Variants in MPRIP observed in about 807,000 individuals in gnomAD.
The protein encoded by MPRIP is myosin phosphatase Rho interacting protein, also known as myosin phosphatase Rho-interacting protein.
Under a neutral mutation model 234.9 loss-of-function variants are expected in MPRIP, and 59 were observed. That is an observed-to-expected ratio of 0.25 (90% CI 0.20 to 0.31). MPRIP has a LOEUF of 0.31. Ranked by LOEUF, MPRIP falls within the 10% of genes least tolerant of loss-of-function variation. MPRIP has a pLI of 1.00. For missense variants in MPRIP, 2,436 were observed against 3,071.0 expected (o/e 0.79, Z 4.89); for synonymous variants, 1,144 against 1,263.9 (o/e 0.91, Z 2.01).
At chr17:17,096,288 GGT>G (rs59748753) in intron 3 of MPRIP, among the ~76,000 whole-genome samples, 4,729 of 136,348 alleles carry the variant, frequency 0.035, 107 homozygotes, top group African/African-American at 0.062. Flanking sequence ...GTGTGTGCAG[GGT>G]GTGTGTGTGT....
chr17:17,139,253 G>A (rs745346624), intron 7 of MPRIP, among the ~76,000 whole-genome samples: 2 of 152,216 alleles, frequency 1.3e-5, no homozygotes, highest in Non-Finnish European at 2.9e-5. Flanking sequence ...GCCCAAGCAC[G>A]CCTTCAATCA....
chr17:17,166,973 G>A lies in MPRIP; in HGVS notation c.5382G>A (p.Glu1794=). 7.7e-7 allele frequency: 1 copy of A among 1,304,286 alleles called. No individual in the cohort carries two copies. The highest frequency in any genetic ancestry group is 1.0e-6 in the Non-Finnish European group (1 of 988,964). The allele number at this position is 1,304,286 out of a possible 1,614,324, so 80.8% of individuals were successfully genotyped here. The change falls in exon 16 of 24, where the codon GAG becomes GAA. Residue 1794 remains glutamate, a synonymous_variant. Transcript: ENST00000651222. This position sits in a 1 kb window ranked among gnomAD's most constrained non-coding sequence, Gnocchi z 4.4. ...TGAAGGAGAAGGCCAGCCTCTTAGA[G>A]GAGATAGCGGCTGCCTTACCATCTC... ...QQLKEKASLL[E]EIAAALPSLP...
chr17:17,155,816 A>G (rs1255171682), intron 13 of MPRIP, among the ~76,000 whole-genome samples: 1 of 152,204 alleles, frequency 6.6e-6, no homozygotes, highest in African/African-American at 2.4e-5. Context: ...AGCAGGAGGC[A>G]CCCAGAGCTG....
At chr17:17,091,548 G>A (rs1037407428) in intron 3 of MPRIP, among the ~76,000 whole-genome samples, 2 of 152,224 alleles carry the variant, frequency 1.3e-5, no homozygotes, top group African/African-American at 4.8e-5. Flanking sequence ...GGGTGACTGG[G>A]GGCTGAATGG....
chr17:17,072,810 C>G (rs2089229396), intron 1 of MPRIP, among the ~76,000 whole-genome samples: 1 of 152,094 alleles, frequency 6.6e-6, no homozygotes. Context: ...CCCCATGGCG[C>G]CATCATTCCT....
chr17:17,075,576 A>G (rs2089308488), intron 1 of MPRIP, 134 bp from the exon 2 acceptor site: 12 of 743,710 alleles, frequency 1.6e-5, no homozygotes, highest in South Asian at 1.5e-4. Flanking sequence ...GACGCACCGC[A>G]GTGGAAATAG....
intron 1 of MPRIP, among the ~76,000 whole-genome samples, chr17:17,052,294 C>A (rs2088565706): frequency 6.6e-6 from 1 of 152,136 alleles, no homozygotes; most frequent in African/African-American, 2.4e-5. Flanking sequence ...TTTGTTTGGC[C>A]CCGGGGCAGA....
intron 14 of MPRIP, among the ~76,000 whole-genome samples, chr17:17,159,500 T>C (rs2045816138): frequency 6.6e-6 from 1 of 152,154 alleles, no homozygotes; most frequent in South Asian, 2.1e-4. Context: ...CATGAGGATA[T>C]GAAGCAGAAG....
At chr17:17,157,538 T>C (rs1451146645) in intron 13 of MPRIP, among the ~76,000 whole-genome samples, 1 of 152,170 alleles carries the variant, frequency 6.6e-6, no homozygotes, top group African/African-American at 2.4e-5. Context: ...ATTGGGCTTT[T>C]AAAACATAGA....
chr17:17,131,373 C>G (rs2090593337), intron 4 of MPRIP, among the ~76,000 whole-genome samples: 1 of 152,232 alleles, frequency 6.6e-6, no homozygotes, highest in South Asian at 2.1e-4. Context: ...ACATCCTATG[C>G]TCTGAGGCCA....
Position 17,166,688 on chromosome 17 carries a change from G to T in MPRIP, c.5097G>T (p.Thr1699=). 3 of 1,304,096 alleles carry T rather than the reference G, an allele frequency of 2.3e-6. No individual in the cohort carries two copies. Among genetic ancestry groups the T allele is most frequent in the Non-Finnish European group, 3.0e-6 (3 of 988,972 alleles). The allele number at this position is 1,304,096 out of a possible 1,614,324, so 80.8% of individuals were successfully genotyped here. ...AGGAGACCCTGCGGGGCACCCAGAC[G>T]GCCCTGCGGCAGCACAAATGCCTGC... ...SIQETLRGTQ[T]ALRQHKCLLR... is the part of the protein sequence containing the mutation. The change falls in exon 16 of 24, where the codon ACG becomes ACT. Residue 1699 remains threonine (T), a synonymous_variant. Coordinates refer to ENST00000651222, the MANE Select transcript of MPRIP (RefSeq NM_001364716.4). This position sits in a 1 kb window ranked among gnomAD's most constrained non-coding sequence, Gnocchi z 4.4.
intron 4 of MPRIP, among the ~76,000 whole-genome samples, chr17:17,128,587 C>A (rs2090537767): frequency 6.6e-6 from 1 of 152,284 alleles, no homozygotes; most frequent in South Asian, 2.1e-4. Context: ...CTGGGCCCTA[C>A]GTGTGTGGTG....
At chr17:17,153,046 A>G (rs557965925) in intron 12 of MPRIP, among the ~76,000 whole-genome samples, 1 of 152,286 alleles carries the variant, frequency 6.6e-6, no homozygotes, top group Admixed American at 6.5e-5. Context: ...GCTGAGGCCA[A>G]ACTCCAGCAA....
intron 14 of MPRIP, among the ~76,000 whole-genome samples, chr17:17,160,397 G>T (rs1415164334): frequency 6.6e-6 from 1 of 152,152 alleles, no homozygotes; most frequent in African/African-American, 2.4e-5. Context: ...GGGTCTCCCC[G>T]CCTCTCACAG....
At chr17:17,058,302 G>T (rs188785132) in intron 1 of MPRIP, among the ~76,000 whole-genome samples, 1 of 152,238 alleles carries the variant, frequency 6.6e-6, no homozygotes, top group African/African-American at 2.4e-5. Flanking sequence ...GGGGAGCAGG[G>T]ACCCAGGGAG....
chr17:17,166,866 G>C lies in MPRIP; in HGVS notation c.5275G>C (p.Asp1759His). 7.7e-7 allele frequency: 1 copy of C among 1,304,212 alleles called. No individual in the cohort carries two copies. Among genetic ancestry groups the C allele is most frequent in the Non-Finnish European group, 1.0e-6 (1 of 988,960 alleles). 80.8% of individuals were successfully genotyped at this position (1,304,212 alleles called of 1,614,324 possible). A position where few individuals can be genotyped will look rare whatever the true frequency, so the allele number is the denominator to read the frequency against. ...PLGEVLGRDSDSSQEPFDVSD... is the reference protein window; with the variant it reads ...PLGEVLGRDSHSSQEPFDVSD... The stretch of plus-strand genomic sequence containing the variant: ...AGGAGAAGTCCTGGGCCGAGACTCA[G>C]ACAGCTCTCAGGAGCCCTTCGATGT... The change falls in exon 16 of 24, where the codon GAC (aspartate) becomes CAC (histidine). Residue 1759 changes from aspartate (D) to histidine (H), a missense_variant. Asp to His is a moderately conservative substitution (Grantham distance 81). Transcript: ENST00000651222. This position sits in a 1 kb window ranked among gnomAD's most constrained non-coding sequence, Gnocchi z 4.4.
chr17:17,069,254 T>C (rs991496432), intron 1 of MPRIP, among the ~76,000 whole-genome samples: 1 of 152,194 alleles, frequency 6.6e-6, no homozygotes, highest in African/African-American at 2.4e-5. Context: ...TCTGCTCTCC[T>C]TAGATTAATA....
chr17:17,158,479 G>T lies in MPRIP; in HGVS notation c.1877G>T (p.Cys626Phe). The T allele has an allele frequency of 1.2e-6, 2 of 1,607,038 alleles. No individual in the cohort carries two copies. Among genetic ancestry groups the T allele is most frequent in the Non-Finnish European group, 1.7e-6 (2 of 1,177,562 alleles). ...KNKSSCSFET[C>F]PRPTEKQEAE... is the part of the protein sequence containing the mutation. Reference sequence around the variant, plus strand: ...AAGAGCAGCTGCTCTTTTGAGACCTGCCCGAGGCCTACTGAGAAGCAAGAG... The same window carrying T: ...AAGAGCAGCTGCTCTTTTGAGACCTTCCCGAGGCCTACTGAGAAGCAAGAG... The change falls in exon 14 of 24, where the codon TGC (cysteine) becomes TTC (phenylalanine). Residue 626 changes from cysteine to phenylalanine, a missense_variant. Physicochemically the swap from Cys to Phe is radical, Grantham distance 205. This residue lies in a region of MPRIP where 1,998 missense variants were observed against 2,520.3 expected (regional missense o/e 0.79). Coordinates refer to ENST00000651222, the MANE Select transcript of MPRIP (RefSeq NM_001364716.4).
Position 17,160,344 on chromosome 17 carries a change from G to A in MPRIP, c.2401-896G>A, listed in dbSNP as rs572270401. Among the ~76,000 whole-genome samples the A allele has an allele frequency of 3.3e-5, 5 of 152,276 alleles. No individual in the cohort carries two copies. The South Asian group carries it at 1.0e-3, about 32-fold the overall frequency. ...TCGCACCATCGTACTCCAGCCTGGC[G>A]ACAGAGCGAGAGTCCATCTCAAAAA... is the stretch of plus-strand genomic sequence containing the variant. On this transcript the variant is annotated intron_variant, in intron 14 of 23. Coordinates refer to ENST00000651222, the MANE Select transcript of MPRIP (RefSeq NM_001364716.4).
Sources: allele counts gnomAD v4.1 joint callset (sites outside exome capture counted in the v4.1 genomes callset), GRCh38; gene constraint gnomAD v4.1.1; regional missense constraint gnomAD v4.1.1; non-coding constraint Gnocchi (gnomAD v3.1); transcripts MANE v1.5; gene names NCBI Gene and HGNC (gene_info 2026-07-23, HGNC 2026-07-21).